The following IMMP2L variants were observed in gnomAD, a reference collection of about 807,000 sequenced individuals.
IMMP2L encodes inner mitochondrial membrane peptidase subunit 2.
IMMP2L carries 18 observed loss-of-function variants against 19.3 expected under a neutral mutation model. The observed-to-expected ratio is 0.93, with a 90% CI of 0.64 to 1.38. IMMP2L has a LOEUF of 1.38. IMMP2L is among the 40% of genes most tolerant of loss of function. The pLI, the probability that IMMP2L is intolerant of heterozygous loss-of-function variation, is 0.00. For synonymous variants in IMMP2L, 76 were observed against 73.0 expected, an observed-to-expected ratio of 1.04 and a Z score of -0.21; for missense variants, 233 against 218.2, an observed-to-expected ratio of 1.07 and a Z score of -0.43.
intron 4 of IMMP2L, among the ~76,000 whole-genome samples, chr7:110,904,376 C>T (rs1812236092): frequency 6.6e-6 from 1 of 152,072 alleles, no homozygotes; most frequent in South Asian, 2.1e-4. Flanking sequence ...AGGAACTTTA[C>T]TGTTTTGGGT....
chr7:111,525,965 G>A (rs897634155), intron 1 of IMMP2L, among the ~76,000 whole-genome samples: 2 of 151,978 alleles, frequency 1.3e-5, no homozygotes, highest in African/African-American at 4.8e-5. Flanking sequence ...AATGATCAAG[G>A]AAGGCCTGCC....
At chr7:111,388,568 C>T (rs949939764) in intron 3 of IMMP2L, among the ~76,000 whole-genome samples, 2 of 151,982 alleles carry the variant, frequency 1.3e-5, no homozygotes, top group African/African-American at 4.8e-5. Context: ...ATACCCAAAA[C>T]TGGGAACAAA....
intron 3 of IMMP2L, among the ~76,000 whole-genome samples, chr7:111,012,574 T>A (rs1193234943): frequency 6.6e-6 from 1 of 152,132 alleles, no homozygotes; most frequent in Non-Finnish European, 1.5e-5. Context: ...TTTAAAAAAA[T>A]TTAAACCAAC....
chr7:111,173,908 T>G (rs574412311), intron 3 of IMMP2L, among the ~76,000 whole-genome samples: 3 of 151,740 alleles, frequency 2.0e-5, no homozygotes, highest in Admixed American at 6.6e-5. Context: ...TTCAAACTGT[T>G]GTTCTAAAAG....
chr7:111,315,152 A>G (rs1178757855), intron 3 of IMMP2L, among the ~76,000 whole-genome samples: 1 of 152,176 alleles, frequency 6.6e-6, no homozygotes, highest in East Asian at 1.9e-4. Context: ...ACGCTATCAC[A>G]GTCCATCTTA....
chr7:111,092,407 A>T (rs188409782), intron 3 of IMMP2L, among the ~76,000 whole-genome samples: 1 of 152,168 alleles, frequency 6.6e-6, no homozygotes, highest in South Asian at 2.1e-4. Flanking sequence ...GCTCTAATTT[A>T]TTCATTTTTA....
chr7:110,904,026 T>C (rs762265869), intron 4 of IMMP2L, among the ~76,000 whole-genome samples: 4 of 152,128 alleles, frequency 2.6e-5, no homozygotes, highest in African/African-American at 7.2e-5. Context: ...ATGTCTACTT[T>C]GGAGAAACAT....
At chr7:111,267,817 A>C (rs1817990970) in intron 3 of IMMP2L, among the ~76,000 whole-genome samples, 1 of 152,098 alleles carries the variant, frequency 6.6e-6, no homozygotes, top group Non-Finnish European at 1.5e-5. Flanking sequence ...TAGACCACAA[A>C]TTGAAATGTG....
Position 111,521,358 on chromosome 7 carries a change from CAAGA to C in IMMP2L, c.86_89del (p.Phe29TrpfsTer10), listed in dbSNP as rs781414982. The stretch of plus-strand genomic sequence containing the variant: ...CTCTTGCCACACAGGCGACCCGATC[CAAGA>C]AAGTCACTGCCACAGGCACCGCCAC... On this transcript the variant is annotated frameshift_variant, in exon 2 of 6. Coordinates refer to ENST00000405709, the MANE Select transcript of IMMP2L (RefSeq NM_032549.4). LOFTEE classifies it high-confidence loss of function. The C allele has an allele frequency of 6.2e-7, 1 of 1,613,130 alleles. No individual in the cohort carries two copies. The highest frequency in any genetic ancestry group is 8.5e-7 in the Non-Finnish European group (1 of 1,179,494).
chr7:110,998,918 A>C (rs1359014214), intron 3 of IMMP2L, among the ~76,000 whole-genome samples: 1 of 152,150 alleles, frequency 6.6e-6, no homozygotes. Context: ...TCCACCATAC[A>C]ATTTAGTGGT....
At chr7:110,865,689 G>C (rs1206348357) in intron 5 of IMMP2L, among the ~76,000 whole-genome samples, 1 of 151,888 alleles carries the variant, frequency 6.6e-6, no homozygotes, top group Admixed American at 6.6e-5. Context: ...TGAACCCCGA[G>C]AAAAGAAGTC....
rs1794994904 is a variant in IMMP2L, at chr7:110,712,991, C to T, written c.409-49270G>A. Among the ~76,000 whole-genome samples the T allele has an allele frequency of 2.0e-5, 3 of 152,034 alleles. No homozygotes were observed. The South Asian group carries it at 6.2e-4, about 32-fold the overall frequency. On this transcript the variant is annotated intron_variant, in intron 5 of 5. Coordinates refer to ENST00000405709, the MANE Select transcript of IMMP2L (RefSeq NM_032549.4). ...TCTTCTGCGTCACTCACGCTGGGAG[C>T]TGTAGACCGGAGCTGTTCCTATTCG...
At chr7:111,406,090 T>C (rs546116185) in intron 3 of IMMP2L, among the ~76,000 whole-genome samples, 1 of 152,202 alleles carries the variant, frequency 6.6e-6, no homozygotes, top group African/African-American at 2.4e-5. Flanking sequence ...ACAACTTCTC[T>C]ACATTATATT....
chr7:110,956,013 A>C (rs1198053264), intron 4 of IMMP2L, among the ~76,000 whole-genome samples: 1 of 151,948 alleles, frequency 6.6e-6, no homozygotes, highest in African/African-American at 2.4e-5. Context: ...CTTCCTATAA[A>C]GATTCATCGT....
At chr7:111,424,801 C>T (rs978379736) in intron 3 of IMMP2L, among the ~76,000 whole-genome samples, 1 of 151,800 alleles carries the variant, frequency 6.6e-6, no homozygotes, top group Non-Finnish European at 1.5e-5. Flanking sequence ...GAAACAATCA[C>T]CATATTTTGA....
In IMMP2L at chr7:110,877,315, T is replaced by C. The variant is rs1005905176; in HGVS notation, c.408+9278A>G. On this transcript the variant is annotated intron_variant, in intron 5 of 5. Coordinates refer to ENST00000405709, the MANE Select transcript of IMMP2L (RefSeq NM_032549.4). This position sits in a 1 kb window ranked among gnomAD's most constrained non-coding sequence, Gnocchi z 4.0. ...TACAAGGATGAGTTAGCTCCCATAG[T>C]TGCCTTGGCAAAGTTCACAGTCTTT... is the stretch of plus-strand genomic sequence containing the variant. Among the ~76,000 whole-genome samples the C allele has an allele frequency of 4.6e-5, 7 of 152,174 alleles. No individual in the cohort carries two copies. Among genetic ancestry groups the C allele is most frequent in the African/African-American group, 1.7e-4 (7 of 41,452 alleles).
At chr7:110,944,790 G>A (rs1252985143) in intron 4 of IMMP2L, among the ~76,000 whole-genome samples, 2 of 151,906 alleles carry the variant, frequency 1.3e-5, no homozygotes, top group Non-Finnish European at 2.9e-5. Context: ...TTGTGTGTGT[G>A]TATATGTATG....
intron 4 of IMMP2L, among the ~76,000 whole-genome samples, chr7:110,943,840 A>G (rs1272904620): frequency 6.6e-6 from 1 of 152,032 alleles, no homozygotes; most frequent in Non-Finnish European, 1.5e-5. Context: ...TCCCTGCAGC[A>G]CTTATGCTGC....
intron 1 of IMMP2L, among the ~76,000 whole-genome samples, chr7:111,531,813 G>C (rs1027860043): frequency 6.6e-6 from 1 of 152,104 alleles, no homozygotes; most frequent in African/African-American, 2.4e-5. Context: ...AAAGCAATTA[G>C]AGGATACTTT....
Sources: gnomAD v4.1 joint callset for allele counts (sites outside exome capture counted in the v4.1 genomes callset) on GRCh38, gnomAD v4.1.1 for gene constraint, Gnocchi (gnomAD v3.1) non-coding constraint, MANE v1.5 for transcripts, NCBI Gene and HGNC (gene_info 2026-07-23, HGNC 2026-07-21) for gene names.